The following FAM234A variants were observed in gnomAD, a reference collection of about 807,000 sequenced individuals.
FAM234A encodes protein FAM234A.
A neutral mutation model predicts 49.1 loss-of-function variants in FAM234A; 42 were observed. The ratio of observed to expected loss-of-function variants is 0.86; its 90% CI spans 0.67 to 1.11. The LOEUF (loss-of-function observed/expected upper bound fraction) is 1.11. Among genes scored for constraint, FAM234A ranks in the 50% least tolerant of loss-of-function variants. The pLI is 0.00. For synonymous variants in FAM234A, 369 were observed against 316.2 expected (o/e 1.17, Z -1.77); for missense variants, 815 against 745.2 (o/e 1.09, Z -1.09).
chr16:240,661 C>T (rs2142224721), intron 1 of FAM234A, among the ~76,000 whole-genome samples: 1 of 152,052 alleles, frequency 6.6e-6, no homozygotes, highest in South Asian at 2.1e-4. Flanking sequence ...TGCCACCACG[C>T]CGGCTAATTT....
At chr16:261,117 G>A (rs1409665780) in intron 5 of FAM234A, 2 of 381,052 alleles carry the variant, frequency 5.2e-6, no homozygotes, top group Non-Finnish European at 9.8e-6. Flanking sequence ...CGGTTCCCAG[G>A]AATGAGGCTG....
chr16:264,720 AGTGT>A lies in FAM234A; in HGVS notation c.1447+6_1447+9del, dbSNP rs1567228299. On this transcript the variant is annotated splice_donor_5th_base_variant and intron_variant, in intron 12 of 12. Coordinates refer to ENST00000399932, the MANE Select transcript of FAM234A (RefSeq NM_032039.4). ...ACCCACATTGTCGCCTTTGACGGTG[AGTGT>A]GGCCTCGGCCAGGGACCCGGGTGTT... The A allele has an allele frequency of 6.2e-7, 1 of 1,610,822 alleles. No individual in the cohort carries two copies. Among genetic ancestry groups the A allele is most frequent in the Non-Finnish European group, 8.5e-7 (1 of 1,179,542 alleles).
At chr16:269,227 C>T (rs375031338), downstream of FAM234A, 58 of 1,378,478 alleles carry the variant, frequency 4.2e-5, no homozygotes, top group Non-Finnish European at 5.3e-5. Context: ...TCACGCAGGA[C>T]GTTGAGCTGC....
chr16:254,534 C>CA lies in FAM234A; in HGVS notation c.122dup (p.Ser42ValfsTer52), dbSNP rs1459850474. 6.2e-7 allele frequency: 1 copy of CA among 1,614,256 alleles called. No homozygotes were observed. The highest frequency in any genetic ancestry group is 8.5e-7 in the Non-Finnish European group (1 of 1,180,048). On this transcript the variant is annotated frameshift_variant, in exon 3 of 13. Coordinates refer to ENST00000399932, the MANE Select transcript of FAM234A (RefSeq NM_032039.4). LOFTEE classifies it high-confidence loss of function. ...GGATAACGTGAAAAGCGCGCCTCCA[C>CA]AGTCCCGGCTCTCCCGGTGCCGAGC... is the stretch of plus-strand genomic sequence containing the variant.
At chr16:237,683 G>C (rs927360663) in intron 1 of FAM234A, among the ~76,000 whole-genome samples, 12 of 150,166 alleles carry the variant, frequency 8.0e-5, no homozygotes, top group Non-Finnish European at 1.5e-4. Flanking sequence ...AAAGTGGAAG[G>C]TTTCCACCAC....
chr16:238,778 A>AG (rs1444409751), intron 1 of FAM234A, among the ~76,000 whole-genome samples: 11 of 142,984 alleles, frequency 7.7e-5, no homozygotes, highest in South Asian at 6.6e-4. Context: ...AAAAAAAAAA[A>AG]AAAAAAAAGA....
downstream of FAM234A, among the ~76,000 whole-genome samples, chr16:266,925 G>A (rs1281437559): frequency 1.3e-5 from 2 of 152,166 alleles, no homozygotes; most frequent in African/African-American, 4.8e-5. Context: ...AAAGGGAGGG[G>A]TCACCCTGCA....
chr16:263,837 AAGC>A (rs1181971631), intron 10 of FAM234A, 62 bp downstream of exon 10: 2 of 1,484,086 alleles, frequency 1.3e-6, no homozygotes, highest in African/African-American at 1.4e-5. Context: ...ACTGGTCTGA[AAGC>A]AGACGGGGCT....
At chr16:269,482 C>T (rs760198104), downstream of FAM234A, 1 of 1,611,374 alleles carries the variant, frequency 6.2e-7, no homozygotes, top group Non-Finnish European at 8.5e-7. Context: ...CCGCCGGCCA[C>T]AGGGCACTGC....
At position 261,509 on chromosome 16, in the gene FAM234A, G is replaced by A. The variant is rs747499504; in HGVS notation, c.703G>A (p.Glu235Lys). The A allele has an allele frequency of 2.5e-6, 4 of 1,602,228 alleles. No homozygotes were observed. In the Admixed American group the frequency reaches 5.1e-5, roughly 21 times the overall value. The change falls in exon 6 of 13, where the codon GAG (glutamate) becomes AAG (lysine). Residue 235 changes from glutamate (E) to lysine (K), a missense_variant. Physicochemically the swap from Glu to Lys is moderately conservative, Grantham distance 56. Transcript: ENST00000399932. ...CCTGCTGGTTCTCACCCAGGAGCGG[G>A]AGGAGGTACATCCCAGCCTGGCTCT... Reference protein sequence around the residue: ...PDLLVLTQEREEVSGHLYSGS... With the variant: ...PDLLVLTQERKEVSGHLYSGS...
At chr16:255,513 G>A (rs1236457483) in intron 3 of FAM234A, among the ~76,000 whole-genome samples, 2 of 152,170 alleles carry the variant, frequency 1.3e-5, no homozygotes, top group South Asian at 2.1e-4. Context: ...GGTTGAGGCT[G>A]CAGTGAGCTG....
At chr16:248,019 T>C (rs1246018578) in intron 1 of FAM234A, among the ~76,000 whole-genome samples, 1 of 152,086 alleles carries the variant, frequency 6.6e-6, no homozygotes, top group Non-Finnish European at 1.5e-5. Context: ...TTAAGTCAAT[T>C]GCCTGCATTG....
At chr16:244,844 C>T (rs781136791) in intron 1 of FAM234A, among the ~76,000 whole-genome samples, 2 of 151,626 alleles carry the variant, frequency 1.3e-5, no homozygotes, top group East Asian at 3.9e-4. Flanking sequence ...TGCACCACCA[C>T]GCCCGGCTAA....
chr16:267,383 T>G (rs2051720073), downstream of FAM234A, among the ~76,000 whole-genome samples: 1 of 152,032 alleles, frequency 6.6e-6, no homozygotes, highest in Non-Finnish European at 1.5e-5. Flanking sequence ...TCCTCCACCA[T>G]CGACTCCACA....
downstream of FAM234A, chr16:269,556 G>A: frequency 1.9e-6 from 3 of 1,613,420 alleles, no homozygotes; most frequent in Non-Finnish European, 2.5e-6. Flanking sequence ...CCTTGTACAT[G>A]TCAGACTTCA....
chr16:256,458 CATTCTTGCATCTTCTTTGGTGAATGTCT>C (rs1350381418), intron 3 of FAM234A, among the ~76,000 whole-genome samples: 13 of 152,236 alleles, frequency 8.5e-5, no homozygotes, highest in African/African-American at 2.2e-4. Flanking sequence ...GAGTTTTAGC[CATTCTTGCATCTTCTTTGGTGAATGTCT>C]ATTCTTGCAT....
intron 2 of FAM234A, 94 bp from the exon 3 acceptor site, chr16:254,287 G>C: frequency 1.0e-6 from 1 of 982,224 alleles, no homozygotes; most frequent in South Asian, 1.6e-5. Flanking sequence ...GCTGCAGCCA[G>C]TCCCCAAGAA....
chr16:243,420 T>G (rs2050687493), intron 1 of FAM234A, among the ~76,000 whole-genome samples: 1 of 152,234 alleles, frequency 6.6e-6, no homozygotes, highest in Admixed American at 6.5e-5. Context: ...CTCTCTGACC[T>G]GGGTCCATGG....
chr16:268,874 C>T (rs542229434), downstream of FAM234A: 224 of 1,550,466 alleles, frequency 1.4e-4, no homozygotes, highest in African/African-American at 2.8e-3. Flanking sequence ...GGAAGCCGCC[C>T]GCCTGTGCAT....
Sources: allele counts gnomAD v4.1 joint callset (sites outside exome capture counted in the v4.1 genomes callset), GRCh38; gene constraint gnomAD v4.1.1; transcripts MANE v1.5; gene names NCBI Gene and HGNC (gene_info 2026-07-23, HGNC 2026-07-21).